KANSL1L: variants seen among roughly 807,000 people sequenced by gnomAD.
The protein encoded by KANSL1L is KAT8 regulatory NSL complex subunit 1-like protein.
In KANSL1L, 25 loss-of-function variants were observed where a neutral mutation model predicts 108.6. The observed-to-expected ratio is 0.23, with a 90% CI of 0.17 to 0.32. KANSL1L has a LOEUF of 0.32. KANSL1L is among the 10% of genes least tolerant of loss of function. The pLI, the probability that KANSL1L is intolerant of heterozygous loss-of-function variation, is 1.00. For synonymous variants in KANSL1L, 405 were observed against 395.1 expected (o/e 1.03, Z -0.30); for missense variants, 1,137 against 1,125.7 (o/e 1.01, Z -0.14).
In KANSL1L at chr2:210,153,838, G is replaced by C. The variant is rs552196561; in HGVS notation, c.745C>G (p.Leu249Val). 144 of 1,612,682 alleles carry C rather than the reference G, an allele frequency of 8.9e-5. 1 individual carries two copies. In the Middle Eastern group the frequency reaches 1.5e-3, roughly 17 times the overall value. ...TAGTGCTTAACAACATGCTTTGCCA[G>C]GAGCATCTGCAAATGTTTCTGAGTT... ...RRTQKHLQML[L>V]AKHVVKHYGQ... The change falls in exon 2 of 15, where the codon CTG (leucine) becomes GTG (valine). Residue 249 changes from leucine (L) to valine (V), a missense_variant. By Grantham distance (32) the Leu-to-Val change is conservative. Coordinates refer to ENST00000281772, the MANE Select transcript of KANSL1L (RefSeq NM_152519.4).
chr2:210,052,332 T>C (rs2125233047), intron 6 of KANSL1L, among the ~76,000 whole-genome samples: 1 of 152,240 alleles, frequency 6.6e-6, no homozygotes, highest in Non-Finnish European at 1.5e-5. Flanking sequence ...GCACTTTTTT[T>C]TTGTTTGTTT....
chr2:210,112,985 C>T (rs1018462863), intron 3 of KANSL1L, among the ~76,000 whole-genome samples: 5 of 152,174 alleles, frequency 3.3e-5, no homozygotes, highest in African/African-American at 9.7e-5. Context: ...GCCATTCATA[C>T]ATTTCTGAAG....
chr2:210,079,577 T>A (rs1479813645), intron 5 of KANSL1L, among the ~76,000 whole-genome samples: 1 of 113,870 alleles, frequency 8.8e-6, no homozygotes, highest in African/African-American at 3.2e-5. Context: ...GGCAACAGAG[T>A]GAGACTCTGT....
chr2:210,119,861 T>G (rs763458289), intron 3 of KANSL1L, among the ~76,000 whole-genome samples: 14 of 152,050 alleles, frequency 9.2e-5, no homozygotes, highest in Non-Finnish European at 1.3e-4. Context: ...AAGGCAACCC[T>G]GAATAACCAA....
chr2:210,038,328 C>G (rs566402087), intron 8 of KANSL1L, among the ~76,000 whole-genome samples: 6 of 152,098 alleles, frequency 3.9e-5, no homozygotes, highest in African/African-American at 1.4e-4. Flanking sequence ...TTAAGCCACA[C>G]TGAACTTATA....
rs371817352 is a variant in KANSL1L at position 210,151,117 on chromosome 2, GC to G, written c.1088+2377del. On this transcript the variant is annotated intron_variant, in intron 2 of 14. Coordinates refer to ENST00000281772, the MANE Select transcript of KANSL1L (RefSeq NM_152519.4). ...TGCAACCTCCACCTCCTGGGTTCAA[GC>G]AATTCTCCTGCCTTAGCCTCCCAGG... Among the ~76,000 whole-genome samples, 497 of 152,212 alleles carry G rather than the reference GC, an allele frequency of 3.3e-3. 3 individuals are homozygous for G. Among genetic ancestry groups the G allele is most frequent in the African/African-American group, 0.011 (475 of 41,556 alleles).
intron 3 of KANSL1L, among the ~76,000 whole-genome samples, chr2:210,108,780 A>G (rs952903047): frequency 1.3e-5 from 2 of 152,232 alleles, no homozygotes; most frequent in African/African-American, 4.8e-5. Flanking sequence ...GGAAACACTT[A>G]GTGAATGTGG....
At chr2:210,051,408 CAT>C (rs142755486) in intron 6 of KANSL1L, among the ~76,000 whole-genome samples, 2 of 151,236 alleles carry the variant, frequency 1.3e-5, no homozygotes, top group Admixed American at 6.6e-5. Flanking sequence ...CCATAGTAGT[CAT>C]ATATATATAT....
At chr2:210,045,278 TTTAA>T (rs1327933973) in intron 6 of KANSL1L, among the ~76,000 whole-genome samples, 1 of 151,462 alleles carries the variant, frequency 6.6e-6, no homozygotes, top group Non-Finnish European at 1.5e-5. Context: ...ATCTCTTAAT[TTTAA>T]TTTATTTATT....
chr2:210,079,622 A>G (rs1446491014), intron 5 of KANSL1L, among the ~76,000 whole-genome samples: 35 of 1,808 alleles, frequency 0.019, 2 homozygotes, highest in African/African-American at 0.031. Context: ...GTATATATAT[A>G]TATATATATA....
intron 5 of KANSL1L, chr2:210,096,750 A>G: frequency 2.1e-6 from 2 of 957,914 alleles, no homozygotes; most frequent in Non-Finnish European, 2.5e-6. Flanking sequence ...TACGTTCAAC[A>G]TGTTTTATCA....
At chr2:210,081,515 T>C (rs910271269) in intron 5 of KANSL1L, among the ~76,000 whole-genome samples, 3 of 152,218 alleles carry the variant, frequency 2.0e-5, no homozygotes, top group African/African-American at 7.2e-5. Context: ...TTCCTAGCAT[T>C]TTCATAGTGA....
intron 5 of KANSL1L, chr2:210,079,704 A>ATG (rs2094574391): frequency 1.2e-5 from 1 of 86,484 alleles, no homozygotes; most frequent in African/African-American, 4.9e-5. Context: ...ATGTGTGTAT[A>ATG]TATATATATA....
chr2:210,058,302 A>G (rs1275277882), intron 6 of KANSL1L, among the ~76,000 whole-genome samples: 1 of 152,074 alleles, frequency 6.6e-6, no homozygotes, highest in Non-Finnish European at 1.5e-5. Flanking sequence ...CACCTAATAA[A>G]TTTTGGTCCG....
intron 6 of KANSL1L, chr2:210,063,785 C>A (rs574012118): frequency 6.6e-6 from 1 of 152,240 alleles, no homozygotes; most frequent in Non-Finnish European, 1.5e-5. Context: ...ATTTTACAGG[C>A]TCATAGGCGA....
At chr2:210,052,889 A>G (rs2094309040) in intron 6 of KANSL1L, among the ~76,000 whole-genome samples, 2 of 152,226 alleles carry the variant, frequency 1.3e-5, no homozygotes, top group South Asian at 2.1e-4. Flanking sequence ...TGCCTCTGCT[A>G]TTGTACATGA....
intron 3 of KANSL1L, among the ~76,000 whole-genome samples, chr2:210,112,567 C>T (rs2094919154): frequency 6.6e-6 from 1 of 152,034 alleles, no homozygotes; most frequent in Non-Finnish European, 1.5e-5. Context: ...TTTAAGTGTC[C>T]AGAGACCCAA....
chr2:210,152,769 T>C (rs2095311726), intron 2 of KANSL1L: 2 of 152,190 alleles, frequency 1.3e-5, no homozygotes. Flanking sequence ...TTACATGTAC[T>C]CTCAACTGAT....
chr2:210,168,953 CAAT>C (rs769356098), intron 1 of KANSL1L, among the ~76,000 whole-genome samples: 21 of 151,896 alleles, frequency 1.4e-4, no homozygotes, highest in Non-Finnish European at 2.5e-4. Flanking sequence ...AAGCACTTTA[CAAT>C]AAGTTAAAAA....
Sources: allele counts gnomAD v4.1 joint callset (sites outside exome capture counted in the v4.1 genomes callset), GRCh38; gene constraint gnomAD v4.1.1; transcripts MANE v1.5; gene names NCBI Gene and HGNC (gene_info 2026-07-23, HGNC 2026-07-21).